The following C1orf185 variants were observed in gnomAD, a reference collection of about 807,000 sequenced individuals.
C1orf185 encodes uncharacterized protein C1orf185.
In C1orf185, 13 loss-of-function variants were observed where a neutral mutation model predicts 16.1. That is an observed-to-expected ratio of 0.81 (90% confidence interval 0.53 to 1.28). The LOEUF (loss-of-function observed/expected upper bound fraction) is 1.28. Ranked by LOEUF, C1orf185 falls within the 50% of genes most tolerant of loss-of-function variation. C1orf185 has a pLI of 0.00. For missense variants in C1orf185, 220 were observed against 225.2 expected (o/e 0.98, Z 0.15); for synonymous variants, 80 against 76.9 (o/e 1.04, Z -0.21).
At chr1:51,109,326 G>A (rs368006798) in intron 1 of C1orf185, among the ~76,000 whole-genome samples, 1 of 152,086 alleles carries the variant, frequency 6.6e-6, no homozygotes. Flanking sequence ...CTTGTCAGAC[G>A]AATGGTTTGC....
Position 51,130,541 on chromosome 1 carries a change from T to C in C1orf185, c.258+11740T>C, listed in dbSNP as rs1646275933. Among the ~76,000 whole-genome samples the C allele has an allele frequency of 2.6e-5, 4 of 152,306 alleles. 1 individual carries two copies. Among genetic ancestry groups the C allele is most frequent in the Middle Eastern group, 6.8e-3 (2 of 294 alleles). ...TTGATACTATCTATATTGTTTATTTTAGCCATTTAAAACTATGTGTTTTCA... is the reference window on the plus strand; with the variant it reads ...TTGATACTATCTATATTGTTTATTTCAGCCATTTAAAACTATGTGTTTTCA... On this transcript the variant is annotated intron_variant, in intron 3 of 4. Transcript: ENST00000371759.
intron 3 of C1orf185, among the ~76,000 whole-genome samples, chr1:51,130,537 A>G (rs1184564811): frequency 6.6e-6 from 1 of 152,092 alleles, no homozygotes; most frequent in African/African-American, 2.4e-5. Context: ...TATATTGTTT[A>G]TTTTAGCCAT....
intron 1 of C1orf185, among the ~76,000 whole-genome samples, chr1:51,104,294 G>T (rs550517190): frequency 6.6e-6 from 1 of 152,120 alleles, no homozygotes; most frequent in African/African-American, 2.4e-5. Context: ...AATAAAAGCA[G>T]GACTTATAGT....
At chr1:51,121,528 AT>A (rs1376835374) in intron 3 of C1orf185, among the ~76,000 whole-genome samples, 1 of 152,144 alleles carries the variant, frequency 6.6e-6, no homozygotes, top group Non-Finnish European at 1.5e-5. Flanking sequence ...AAGAAAAAAA[AT>A]AGTATAAAAA....
In C1orf185 at chr1:51,118,735, G is replaced by A. The variant is rs1489030183; in HGVS notation, c.192G>A (p.Lys64=). ...GCAGGCAAAGACCATCAATGGCGAA[G>A]ATTAAATCTCATTCTCAGTGTGTTT... ...ERCRQRPSMA[K]IKSHSQCVFI... Residue 64 remains lysine (K), a synonymous_variant, in exon 3 of 5, where the codon AAG becomes AAA. Transcript: ENST00000371759. 4 of 1,496,488 alleles carry A rather than the reference G, an allele frequency of 2.7e-6. No individual in the cohort carries two copies. Among genetic ancestry groups the A allele is most frequent in the Non-Finnish European group, 3.6e-6 (4 of 1,114,862 alleles). The allele number at this position is 1,496,488 out of a possible 1,614,324, so 92.7% of individuals were successfully genotyped here.
chr1:51,134,438 C>A (rs1646307655), intron 3 of C1orf185, among the ~76,000 whole-genome samples: 1 of 151,676 alleles, frequency 6.6e-6, no homozygotes, highest in African/African-American at 2.4e-5. Context: ...AACTGGAGAA[C>A]CAAGAGCAAA....
intron 3 of C1orf185, among the ~76,000 whole-genome samples, chr1:51,119,022 AT>A (rs1250954330): frequency 2.0e-5 from 3 of 152,220 alleles, no homozygotes; most frequent in African/African-American, 7.2e-5. Context: ...AACAACCTGC[AT>A]TCCACATATT....
chr1:51,118,824 A>G (rs1239245919), intron 3 of C1orf185, 23 bp downstream of exon 3: 1 of 1,336,278 alleles, frequency 7.5e-7, no homozygotes, highest in African/African-American at 1.5e-5. Flanking sequence ...ATTTTATAGT[A>G]ATCTTTTCAA....
At chr1:51,141,833 A>G (rs188035806) in intron 3 of C1orf185, among the ~76,000 whole-genome samples, 6 of 152,200 alleles carry the variant, frequency 3.9e-5, no homozygotes. Flanking sequence ...TCATATATAT[A>G]TAATTTTTTT....
At position 51,112,493 on chromosome 1, in the gene C1orf185, G is replaced by C; in HGVS notation, c.46G>C (p.Ala16Pro). Residue 16 changes from alanine to proline, a missense_variant, in exon 2 of 5, where the codon GCT becomes CCT. By Grantham distance (27) the Ala-to-Pro change is conservative (BLOSUM62 -1). Transcript: ENST00000371759. ...TTTTAATTACTTGACCTATTTTCTT[G>C]CTGCTGGTGCTGTCACTTTGGGAAT... ...GFFNYLTYFL[A>P]AGAVTLGIGF... is the part of the protein sequence containing the mutation. The C allele has an allele frequency of 6.5e-7, 1 of 1,549,226 alleles. No individual in the cohort carries two copies. The highest frequency in any genetic ancestry group is 8.7e-7 in the Non-Finnish European group (1 of 1,146,180).
At chr1:51,105,194 T>C (rs777816601) in intron 1 of C1orf185, among the ~76,000 whole-genome samples, 7 of 152,108 alleles carry the variant, frequency 4.6e-5, no homozygotes, top group Non-Finnish European at 8.8e-5. Flanking sequence ...CTCGAACTCC[T>C]CACCTCAGAT....
chr1:51,103,058 T>C (rs1046505683), intron 1 of C1orf185, among the ~76,000 whole-genome samples: 1 of 152,108 alleles, frequency 6.6e-6, no homozygotes, highest in African/African-American at 2.4e-5. Context: ...AATGTAGAGA[T>C]TAATTGCATT....
At chr1:51,147,244 A>C (rs984665466) in intron 4 of C1orf185, among the ~76,000 whole-genome samples, 5 of 152,114 alleles carry the variant, frequency 3.3e-5, no homozygotes, top group African/African-American at 9.7e-5. Flanking sequence ...TTTCTAGCCT[A>C]ATTAGTCTTT....
At chr1:51,150,398 G>A (rs1004879462), downstream of C1orf185, among the ~76,000 whole-genome samples, 1 of 151,932 alleles carries the variant, frequency 6.6e-6, no homozygotes. Context: ...TCACCATGTT[G>A]GCCAGGCTGG....
chr1:51,110,862 G>A (rs557375844), intron 1 of C1orf185, among the ~76,000 whole-genome samples: 27 of 152,102 alleles, frequency 1.8e-4, no homozygotes, highest in Admixed American at 6.6e-4. Context: ...CCAGCTACTT[G>A]GGAGGGTGAG....
intron 3 of C1orf185, among the ~76,000 whole-genome samples, chr1:51,132,284 A>C (rs1279853433): frequency 6.6e-6 from 1 of 152,236 alleles, no homozygotes; most frequent in Non-Finnish European, 1.5e-5. Context: ...TATGAATACT[A>C]ATGAAGATTA....
chr1:51,137,754 A>G (rs1646337073), intron 3 of C1orf185, among the ~76,000 whole-genome samples: 1 of 152,206 alleles, frequency 6.6e-6, no homozygotes, highest in African/African-American at 2.4e-5. Flanking sequence ...ATGCATGTGT[A>G]TGTTCACTGC....
rs1646176276 is a variant in C1orf185, at chr1:51,118,710, G to T, written c.167G>T (p.Cys56Phe). ...NSKFKAIDER[C>F]RQRPSMAKIK... ...AAATTTAAAGCAATTGATGAGAGAT[G>T]CAGGCAAAGACCATCAATGGCGAAG... Residue 56 changes from cysteine (C) to phenylalanine (F), a missense_variant, in exon 3 of 5, where the codon TGC becomes TTC. Physicochemically the swap from Cys to Phe is radical, Grantham distance 205. Transcript: ENST00000371759. The T allele has an allele frequency of 2.1e-6, 3 of 1,462,398 alleles. No individual in the cohort carries two copies. The highest frequency in any genetic ancestry group is 2.6e-5 in the East Asian group (1 of 38,582). The allele number at this position is 1,462,398 out of a possible 1,614,324, so 90.6% of individuals were successfully genotyped here.
chr1:51,146,240 C>T (rs940882323), intron 4 of C1orf185, among the ~76,000 whole-genome samples: 2 of 152,044 alleles, frequency 1.3e-5, no homozygotes, highest in South Asian at 2.1e-4. Flanking sequence ...GGGCAGATCA[C>T]TTGAGGCCAG....
Sources: gnomAD v4.1 joint callset for allele counts (sites outside exome capture counted in the v4.1 genomes callset) on GRCh38, gnomAD v4.1.1 for gene constraint, MANE v1.5 for transcripts, NCBI Gene and HGNC (gene_info 2026-07-23, HGNC 2026-07-21) for gene names.